SSBP2: variants seen among roughly 807,000 people sequenced by gnomAD.
SSBP2 encodes the protein single stranded DNA binding protein 2.
SSBP2 carries 17 observed loss-of-function variants against 61.8 expected under a neutral mutation model. The observed-to-expected ratio is 0.28, with a 90% CI of 0.19 to 0.41. SSBP2 has a LOEUF of 0.41. SSBP2 is among the 10% of genes least tolerant of loss of function. SSBP2 has a pLI of 1.00. For synonymous variants in SSBP2, 139 were observed against 141.3 expected (o/e 0.98, Z 0.12); for missense variants, 310 against 458.7 (o/e 0.68, Z 2.96).
chr5:81,423,543 G>A (rs1360591411), intron 16 of SSBP2, among the ~76,000 whole-genome samples: 1 of 152,108 alleles, frequency 6.6e-6, no homozygotes, highest in Non-Finnish European at 1.5e-5. Flanking sequence ...AGGAGTTTGA[G>A]ACCAGCCTGG....
intron 4 of SSBP2, among the ~76,000 whole-genome samples, chr5:81,543,564 C>A (rs1369188099): frequency 6.6e-6 from 1 of 152,064 alleles, no homozygotes. Flanking sequence ...ATGCTCAGTA[C>A]CTGGGTGATA....
rs73766255 is a variant in SSBP2, at chr5:81,475,202, G to A, written c.433-640C>T. On this transcript the variant is annotated intron_variant, in intron 6 of 16. Transcript: ENST00000320672. ...TCAGCAGTACTTAAAGCTGGATTAA[G>A]GTATAAATGATTTAAACCTACTGAT... Among the ~76,000 whole-genome samples the A allele has an allele frequency of 1.3e-3, 196 of 152,110 alleles. 1 individual carries two copies. Among genetic ancestry groups the A allele is most frequent in the African/African-American group, 4.4e-3 (183 of 41,514 alleles).
At chr5:81,559,010 C>T (rs998316228) in intron 4 of SSBP2, among the ~76,000 whole-genome samples, 3 of 152,216 alleles carry the variant, frequency 2.0e-5, no homozygotes, top group African/African-American at 7.2e-5. Context: ...AATCCTACCA[C>T]TTTGGGAGGC....
intron 2 of SSBP2, among the ~76,000 whole-genome samples, chr5:81,643,723 C>G (rs531396061): frequency 2.0e-5 from 3 of 150,466 alleles, no homozygotes; most frequent in Admixed American, 6.7e-5. Flanking sequence ...CTGCCTCAGC[C>G]TCCCGAGTAG....
At chr5:81,566,247 T>G (rs539218914) in intron 4 of SSBP2, among the ~76,000 whole-genome samples, 2 of 152,286 alleles carry the variant, frequency 1.3e-5, no homozygotes, top group East Asian at 3.9e-4. Context: ...CGTGATATGG[T>G]TTGGCTGTGT....
chr5:81,643,755 A>T (rs532456318), intron 2 of SSBP2, among the ~76,000 whole-genome samples: 1 of 151,242 alleles, frequency 6.6e-6, no homozygotes, highest in East Asian at 1.9e-4. Flanking sequence ...GGAGCCCACC[A>T]CCATACTCGG....
chr5:81,507,494 G>A (rs981342109), intron 5 of SSBP2, among the ~76,000 whole-genome samples: 1 of 151,880 alleles, frequency 6.6e-6, no homozygotes, highest in Non-Finnish European at 1.5e-5. Flanking sequence ...GAAAACAAAG[G>A]TCTATATAGA....
At chr5:81,627,102 G>A (rs547825985) in intron 3 of SSBP2, among the ~76,000 whole-genome samples, 2 of 152,150 alleles carry the variant, frequency 1.3e-5, no homozygotes, top group Non-Finnish European at 2.9e-5. Context: ...AGCTAGTATA[G>A]CGAAATAAAA....
In SSBP2 at chr5:81,578,043, CAGG is replaced by C. The variant is rs201126731; in HGVS notation, c.282+37427_282+37429del. Among the ~76,000 whole-genome samples the C allele has an allele frequency of 2.6e-3, 393 of 152,036 alleles. 1 individual carries two copies. The highest frequency in any genetic ancestry group is 8.4e-3 in the African/African-American group (350 of 41,508). On this transcript the variant is annotated intron_variant, in intron 4 of 16. Transcript: ENST00000320672. ...AGGAATTAAGTGACTTGCCCAAGAT[CAGG>C]AGCTTATAAATGGTTCAGCTGGGAT...
chr5:81,623,053 T>TAAAC (rs10678047), intron 3 of SSBP2, among the ~76,000 whole-genome samples: 72,685 of 151,740 alleles, frequency 0.48, 18,215 homozygotes, highest in East Asian at 0.81. Context: ...AACCCGTAGA[T>TAAAC]AAGGATACAG....
intron 4 of SSBP2, among the ~76,000 whole-genome samples, chr5:81,592,359 G>A (rs1460372927): frequency 6.6e-6 from 1 of 152,198 alleles, no homozygotes; most frequent in East Asian, 1.9e-4. Flanking sequence ...AAACTGGGTG[G>A]AGCCCACCAC....
chr5:81,748,916 C>G (rs1757525288), intron 1 of SSBP2, among the ~76,000 whole-genome samples: 1 of 152,052 alleles, frequency 6.6e-6, no homozygotes, highest in Admixed American at 6.5e-5. Flanking sequence ...AAAAATCAAG[C>G]AGTCCTCAGG....
intron 1 of SSBP2, among the ~76,000 whole-genome samples, chr5:81,695,077 A>T (rs1753502497): frequency 6.6e-6 from 1 of 152,220 alleles, no homozygotes; most frequent in South Asian, 2.1e-4. Context: ...ATAATGTTCA[A>T]AGGAACATAT....
intron 5 of SSBP2, among the ~76,000 whole-genome samples, chr5:81,495,444 G>C (rs986769171): frequency 6.6e-6 from 1 of 152,036 alleles, no homozygotes; most frequent in Non-Finnish European, 1.5e-5. Flanking sequence ...CGCTGTACTC[G>C]CTTTTCTCTG....
chr5:81,668,049 A>G (rs997911269), intron 1 of SSBP2, among the ~76,000 whole-genome samples: 6 of 152,120 alleles, frequency 3.9e-5, no homozygotes, highest in East Asian at 1.9e-4. Flanking sequence ...ATAATGCTGT[A>G]ACAGGTAATG....
At chr5:81,690,007 C>T (rs1326121498) in intron 1 of SSBP2, among the ~76,000 whole-genome samples, 1 of 151,942 alleles carries the variant, frequency 6.6e-6, no homozygotes, top group African/African-American at 2.4e-5. Flanking sequence ...TTTATGCAAT[C>T]AGTGTTAAGT....
chr5:81,670,006 T>A (rs997302867), intron 1 of SSBP2, among the ~76,000 whole-genome samples: 6 of 151,942 alleles, frequency 3.9e-5, no homozygotes, highest in African/African-American at 1.5e-4. Context: ...TACCAGGAGT[T>A]AGGGGGTCAG....
intron 4 of SSBP2, among the ~76,000 whole-genome samples, chr5:81,553,939 G>A (rs189244351): frequency 6.6e-6 from 1 of 151,132 alleles, no homozygotes; most frequent in Admixed American, 6.6e-5. Context: ...ACTGATTTTT[G>A]GCTGAGACCA....
intron 4 of SSBP2, among the ~76,000 whole-genome samples, chr5:81,577,206 C>T (rs1043344246): frequency 5.9e-5 from 9 of 151,918 alleles, no homozygotes; most frequent in Non-Finnish European, 1.0e-4. Context: ...GAGAGTTTAA[C>T]GGTAGTATTT....
Sources: allele counts gnomAD v4.1 joint callset (sites outside exome capture counted in the v4.1 genomes callset), GRCh38; gene constraint gnomAD v4.1.1; transcripts MANE v1.5; gene names NCBI Gene and HGNC (gene_info 2026-07-23, HGNC 2026-07-21).